Variants in GRIP1 observed in about 807,000 individuals in gnomAD.
GRIP1 encodes the protein glutamate receptor-interacting protein 1.
GRIP1 carries 45 observed loss-of-function variants against 129.9 expected under a neutral mutation model. The observed-to-expected ratio is 0.35, with a 90% CI of 0.27 to 0.44. GRIP1 has a LOEUF of 0.44. Among genes scored for constraint, GRIP1 ranks in the 20% least tolerant of loss-of-function variants. The pLI is 1.00. For synonymous variants in GRIP1, 530 were observed against 520.8 expected (o/e 1.02, Z -0.24); for missense variants, 1,196 against 1,396.8 (o/e 0.86, Z 2.29).
intron 7 of GRIP1, among the ~76,000 whole-genome samples, chr12:66,474,893 A>G (rs914159007): frequency 6.6e-6 from 1 of 152,228 alleles, no homozygotes; most frequent in African/African-American, 2.4e-5. Flanking sequence ...TGTAAAGACT[A>G]TCGATGCTAG....
At chr12:66,359,338 T>C (rs1359264304) in intron 23 of GRIP1, among the ~76,000 whole-genome samples, 4 of 152,204 alleles carry the variant, frequency 2.6e-5, no homozygotes, top group Non-Finnish European at 5.9e-5. Context: ...GGTGTGGGCC[T>C]GGAATAATAG....
intron 9 of GRIP1, among the ~76,000 whole-genome samples, chr12:66,459,723 T>C (rs10219504): frequency 0.42 from 63,112 of 152,070 alleles, 14,004 homozygotes; most frequent in African/African-American, 0.55. Flanking sequence ...CACAAAACTG[T>C]ATGCCATGGA....
At chr12:66,985,253 C>T (rs1218046274) in intron 1 of GRIP1, among the ~76,000 whole-genome samples, 1 of 151,252 alleles carries the variant, frequency 6.6e-6, no homozygotes, top group African/African-American at 2.5e-5. Flanking sequence ...AGAGGAAAGG[C>T]ATAGGCCCAA....
At chr12:66,869,421 A>C (rs1450191003) in intron 1 of GRIP1, among the ~76,000 whole-genome samples, 3 of 152,140 alleles carry the variant, frequency 2.0e-5, no homozygotes, top group Non-Finnish European at 2.9e-5. Flanking sequence ...CAAGGGAAGG[A>C]AATCAGTTCA....
intron 1 of GRIP1, among the ~76,000 whole-genome samples, chr12:66,929,816 C>T (rs1283916976): frequency 6.6e-6 from 1 of 152,188 alleles, no homozygotes; most frequent in Non-Finnish European, 1.5e-5. Context: ...GAGCTCAGTC[C>T]TTCACTTCTG....
chr12:66,521,599 G>A (rs564984212), intron 5 of GRIP1, among the ~76,000 whole-genome samples: 1 of 152,192 alleles, frequency 6.6e-6, no homozygotes, highest in South Asian at 2.1e-4. Context: ...GGTGATTTCT[G>A]CATTTCCATC....
At chr12:66,525,604 C>T (rs1334302093) in intron 5 of GRIP1, among the ~76,000 whole-genome samples, 7 of 151,286 alleles carry the variant, frequency 4.6e-5, no homozygotes, top group Non-Finnish European at 1.0e-4. Context: ...GGAAGCATTC[C>T]CTCTGAAAAC....
intron 11 of GRIP1, among the ~76,000 whole-genome samples, chr12:66,449,370 T>C (rs545894688): frequency 6.6e-6 from 1 of 152,330 alleles, no homozygotes; most frequent in African/African-American, 2.4e-5. Context: ...CTACAAGTCA[T>C]TCTTCAGGGC....
At chr12:66,770,449 A>G (rs78494144) in intron 1 of GRIP1, among the ~76,000 whole-genome samples, 4 of 152,356 alleles carry the variant, frequency 2.6e-5, no homozygotes, top group African/African-American at 7.2e-5. Flanking sequence ...ATTTCTGTCA[A>G]TAAAAAGAAA....
chr12:66,624,099 A>G (rs1210022362), intron 1 of GRIP1, among the ~76,000 whole-genome samples: 2 of 152,172 alleles, frequency 1.3e-5, no homozygotes, highest in African/African-American at 4.8e-5. Context: ...ATCCTCTAGG[A>G]GTCAGTATCT....
chr12:66,495,953 G>C (rs1052979000), intron 7 of GRIP1, among the ~76,000 whole-genome samples: 2 of 152,164 alleles, frequency 1.3e-5, no homozygotes, highest in African/African-American at 4.8e-5. Context: ...ACCGAAGCGC[G>C]CCAGGAGAAG....
chr12:66,499,947 C>T (rs2138760967), intron 7 of GRIP1, among the ~76,000 whole-genome samples: 1 of 152,196 alleles, frequency 6.6e-6, no homozygotes, highest in East Asian at 1.9e-4. Context: ...GGGGTCAGGG[C>T]TGCTGTGAAC....
chr12:66,422,865 G>A (rs1473238051), intron 14 of GRIP1, among the ~76,000 whole-genome samples: 1 of 152,138 alleles, frequency 6.6e-6, no homozygotes, highest in Admixed American at 6.6e-5. Context: ...CCAGAAGTGT[G>A]TCATCCAGAT....
rs934360494 is a variant in GRIP1, at chr12:66,570,276, C to A, written c.136+26571G>T. Among the ~76,000 whole-genome samples the A allele has an allele frequency of 3.9e-5, 6 of 152,086 alleles. No individual in the cohort carries two copies. In the South Asian group the frequency reaches 6.2e-4, roughly 16 times the overall value. On this transcript the variant is annotated intron_variant, in intron 2 of 24. Transcript: ENST00000359742. Reference sequence around the variant, plus strand: ...GGGAATACAGGTGCATGCCACCATGCCTGGCTAATTTTTAAAATTTTTGTA... The same window carrying A: ...GGGAATACAGGTGCATGCCACCATGACTGGCTAATTTTTAAAATTTTTGTA...
chr12:66,472,586 C>A (rs12581104), intron 7 of GRIP1, among the ~76,000 whole-genome samples: 33,635 of 152,096 alleles, frequency 0.22, 4,289 homozygotes, highest in Middle Eastern at 0.41. Context: ...AAGATCAACA[C>A]AGAAGGCGGG....
chr12:66,419,933 T>TA (rs1468359034), intron 15 of GRIP1, among the ~76,000 whole-genome samples: 1 of 151,992 alleles, frequency 6.6e-6, no homozygotes, highest in Non-Finnish European at 1.5e-5. Flanking sequence ...CCGCCTCTAG[T>TA]AAAAAATACA....
At chr12:66,822,025 T>C (rs2039330101) in intron 1 of GRIP1, among the ~76,000 whole-genome samples, 2 of 142,386 alleles carry the variant, frequency 1.4e-5, no homozygotes, top group Non-Finnish European at 3.2e-5. Flanking sequence ...TGTGTGTGTA[T>C]GTGTATGTGT....
intron 7 of GRIP1, among the ~76,000 whole-genome samples, chr12:66,509,857 T>C (rs139792399): frequency 6.6e-6 from 1 of 152,086 alleles, no homozygotes; most frequent in Non-Finnish European, 1.5e-5. Context: ...GCTTAATACT[T>C]AGGTGATGGG....
At chr12:66,977,857 G>T (rs1762603123) in intron 1 of GRIP1, among the ~76,000 whole-genome samples, 1 of 106,886 alleles carries the variant, frequency 9.4e-6, no homozygotes, top group East Asian at 2.9e-4. Flanking sequence ...CTTTCATCCA[G>T]TTTGGAGTAC....
Sources: allele counts gnomAD v4.1 joint callset (sites outside exome capture counted in the v4.1 genomes callset), GRCh38; gene constraint gnomAD v4.1.1; transcripts MANE v1.5; gene names NCBI Gene and HGNC (gene_info 2026-07-23, HGNC 2026-07-21).